Variants in RUFY3 observed in about 807,000 individuals in gnomAD.
RUFY3 encodes the protein protein RUFY3.
Under a neutral mutation model 84.0 loss-of-function variants are expected in RUFY3, and 34 were observed. The ratio of observed to expected loss-of-function variants is 0.40; its 90% CI spans 0.31 to 0.54. The LOEUF is 0.54. Among genes scored for constraint, RUFY3 ranks in the 20% least tolerant of loss-of-function variants. The pLI, the probability that RUFY3 is intolerant of heterozygous loss-of-function variation, is 0.39. For missense variants in RUFY3, 507 were observed against 736.8 expected, an observed-to-expected ratio of 0.69 and a Z score of 3.61; for synonymous variants, 242 against 252.9, an observed-to-expected ratio of 0.96 and a Z score of 0.41.
chr4:70,728,546 C>T (rs1718688316), intron 1 of RUFY3, among the ~76,000 whole-genome samples: 1 of 152,164 alleles, frequency 6.6e-6, no homozygotes. Flanking sequence ...GCAGTAGTAT[C>T]ATATTTCAAA....
intron 1 of RUFY3, among the ~76,000 whole-genome samples, chr4:70,746,529 T>C (rs1203782478): frequency 6.6e-6 from 1 of 150,396 alleles, no homozygotes; most frequent in Admixed American, 6.6e-5. Flanking sequence ...AAAAAAGTTA[T>C]GTACATGGAA....
chr4:70,719,158 C>A (rs956319280), upstream of RUFY3, among the ~76,000 whole-genome samples: 1 of 152,160 alleles, frequency 6.6e-6, no homozygotes, highest in Non-Finnish European at 1.5e-5. Context: ...TTCTTGCCCA[C>A]CCCCGGGTCT....
chr4:70,777,729 G>A (rs900298491), intron 7 of RUFY3, among the ~76,000 whole-genome samples: 2 of 152,144 alleles, frequency 1.3e-5, no homozygotes, highest in African/African-American at 4.8e-5. Context: ...TTGTTGAAAG[G>A]AATAAATGCA....
chr4:70,766,548 T>C (rs1725961147), intron 4 of RUFY3, among the ~76,000 whole-genome samples: 2 of 152,180 alleles, frequency 1.3e-5, no homozygotes, highest in Non-Finnish European at 1.5e-5. Context: ...CCCGCCTGTT[T>C]CCATTTTTTT....
rs370790099 is a variant in RUFY3, at chr4:70,788,992, A to G, written c.1239+19A>G. 1.9e-6 allele frequency: 3 copies of G among 1,610,714 alleles called. No homozygotes were observed. In the African/African-American group the frequency reaches 4.0e-5, roughly 21 times the overall value. ...GCTGCAGGTAGGGGAAATATGAGGA[A>G]TAGACTCACTGGCTCTCTAAAATCC... On this transcript the variant is annotated intron_variant, in intron 11 of 17. Transcript: ENST00000381006.
chr4:70,719,578 A>G (rs1271520014), upstream of RUFY3, among the ~76,000 whole-genome samples: 1 of 152,230 alleles, frequency 6.6e-6, no homozygotes, highest in Admixed American at 6.5e-5. Flanking sequence ...TCACACATAC[A>G]GATAGCTAGG....
In RUFY3 at chr4:70,783,157, T is replaced by A. The variant is rs1729219840; in HGVS notation, c.961T>A (p.Ser321Thr). ...EEMERVKEES[S>T]YILESNRKGP... The stretch of plus-strand genomic sequence containing the variant: ...AATGGAACGAGTTAAAGAGGAAAGT[T>A]CCTACATACTGGAATCCAATCGGAA... The change falls in exon 9 of 18, where the codon TCC becomes ACC. Residue 321 changes from serine (S) to threonine (T), a missense_variant. Transcript: ENST00000381006. The A allele has an allele frequency of 6.8e-6, 11 of 1,607,654 alleles. No individual in the cohort carries two copies. The East Asian group carries it at 2.5e-4, about 36-fold the overall frequency.
chr4:70,782,588 G>A (rs1729114191), intron 8 of RUFY3, among the ~76,000 whole-genome samples: 1 of 151,818 alleles, frequency 6.6e-6, no homozygotes, highest in Non-Finnish European at 1.5e-5. Flanking sequence ...TGGCCAAGGA[G>A]ATATTTTTTA....
intron 8 of RUFY3, among the ~76,000 whole-genome samples, chr4:70,779,602 C>G (rs1033437203): frequency 1.5e-5 from 1 of 67,132 alleles, no homozygotes; most frequent in Non-Finnish European, 3.0e-5. Context: ...TTTTTTTTTT[C>G]TGAGATAGGG....
At chr4:70,721,140 C>T (rs1055574028), upstream of RUFY3, among the ~76,000 whole-genome samples, 4 of 151,588 alleles carry the variant, frequency 2.6e-5, no homozygotes, top group African/African-American at 7.3e-5. Flanking sequence ...GGTGAAACCC[C>T]GTCTCTACTA....
At chr4:70,789,893 A>T in intron 12 of RUFY3, 21 of 1,053,700 alleles carry the variant, frequency 2.0e-5, no homozygotes, top group Non-Finnish European at 2.4e-5. Flanking sequence ...GAGGAAGGAT[A>T]CTTAAAAGCA....
chr4:70,739,827 A>C (rs1426187283), intron 1 of RUFY3, among the ~76,000 whole-genome samples: 2 of 144,938 alleles, frequency 1.4e-5, no homozygotes, highest in African/African-American at 5.4e-5. Flanking sequence ...AACTTAAAGT[A>C]TAAAAAAAAA....
intron 1 of RUFY3, among the ~76,000 whole-genome samples, chr4:70,725,238 A>C (rs1718032449): frequency 6.6e-6 from 1 of 152,138 alleles, no homozygotes; most frequent in Admixed American, 6.5e-5. Context: ...TGCCTACTTT[A>C]ACCCTTAAAT....
intron 1 of RUFY3, among the ~76,000 whole-genome samples, chr4:70,708,503 A>G (rs1440421860): frequency 1.3e-5 from 2 of 152,170 alleles, no homozygotes; most frequent in Non-Finnish European, 2.9e-5. Flanking sequence ...AGAATGGTAC[A>G]TGGACTCAAC....
intron 1 of RUFY3, among the ~76,000 whole-genome samples, chr4:70,756,178 C>T (rs1029567320): frequency 1.2e-4 from 18 of 152,224 alleles, no homozygotes; most frequent in Admixed American, 3.3e-4. Flanking sequence ...GAAATGCTAA[C>T]GTTCTACCCC....
At chr4:70,746,731 C>T (rs1419637839) in intron 1 of RUFY3, among the ~76,000 whole-genome samples, 1 of 152,164 alleles carries the variant, frequency 6.6e-6, no homozygotes, top group Non-Finnish European at 1.5e-5. Context: ...GAAGAGACCA[C>T]TGATACATGC....
intron 14 of RUFY3, among the ~76,000 whole-genome samples, chr4:70,798,689 A>G (rs1178567331): frequency 1.3e-5 from 2 of 152,204 alleles, no homozygotes; most frequent in African/African-American, 4.8e-5. Context: ...TGCTGAGGCC[A>G]GAGAATCGCT....
chr4:70,722,377 C>T lies in RUFY3; in HGVS notation c.-197C>T. 1 of 1,322,110 alleles carries T rather than the reference C, an allele frequency of 7.6e-7. No homozygotes were observed. Among genetic ancestry groups the T allele is most frequent in the Non-Finnish European group, 9.6e-7 (1 of 1,036,276 alleles). 81.9% of individuals were successfully genotyped at this position (1,322,110 alleles called of 1,614,324 possible). A position where few individuals can be genotyped will look rare whatever the true frequency, so the allele number is the denominator to read the frequency against. On this transcript the variant is annotated 5_prime_UTR_variant, in exon 1 of 18. Coordinates refer to ENST00000381006, the MANE Select transcript of RUFY3 (RefSeq NM_001037442.4). Reference sequence around the variant, plus strand: ...TATAAGATAGTGTAGAATTGTTTATCTTGAGCAGTTTGTTCTTAACCTATA... The same window carrying T: ...TATAAGATAGTGTAGAATTGTTTATTTTGAGCAGTTTGTTCTTAACCTATA...
intron 12 of RUFY3, chr4:70,791,753 T>C: frequency 1.0e-6 from 1 of 990,684 alleles, no homozygotes; most frequent in Non-Finnish European, 1.2e-6. Flanking sequence ...GAACTTGAAC[T>C]CTTCTAAAAT....
Sources: allele counts gnomAD v4.1 joint callset (sites outside exome capture counted in the v4.1 genomes callset), GRCh38; gene constraint gnomAD v4.1.1; transcripts MANE v1.5; gene names NCBI Gene and HGNC (gene_info 2026-07-23, HGNC 2026-07-21).